TMEM117: variants seen among roughly 807,000 people sequenced by gnomAD.
TMEM117 encodes the protein transmembrane protein 117.
Under a neutral mutation model 52.4 loss-of-function variants are expected in TMEM117, and 27 were observed. The observed-to-expected ratio is 0.51, with a 90% CI of 0.38 to 0.71. TMEM117 has a LOEUF of 0.71. TMEM117 is among the 30% of genes least tolerant of loss of function. The probability of loss-of-function intolerance (pLI) is 0.00; values close to 1 mark genes in which losing one functional copy is unlikely to be tolerated. For missense variants in TMEM117, 556 were observed against 630.5 expected, an observed-to-expected ratio of 0.88 and a Z score of 1.26; for synonymous variants, 215 against 206.3, an observed-to-expected ratio of 1.04 and a Z score of -0.36.
At chr12:43,838,565 AGGCTG>A (rs1565712962) in intron 1 of TMEM117, among the ~76,000 whole-genome samples, 1 of 119,626 alleles carries the variant, frequency 8.4e-6, no homozygotes, top group Non-Finnish European at 1.7e-5. Flanking sequence ...TCCCTCACCC[AGGCTG>A]GTCTGTTACG....
At chr12:43,893,694 A>C (rs1013116348) in intron 2 of TMEM117, among the ~76,000 whole-genome samples, 5 of 152,102 alleles carry the variant, frequency 3.3e-5, no homozygotes, top group African/African-American at 7.2e-5. Context: ...CCTATTCTCT[A>C]CTTTGAAATT....
chr12:43,980,824 G>A (rs956549105), intron 3 of TMEM117, among the ~76,000 whole-genome samples: 1 of 152,140 alleles, frequency 6.6e-6, no homozygotes, highest in South Asian at 2.1e-4. Context: ...AGCAGCCCCC[G>A]AAGCCGGCGA....
chr12:44,310,328 A>G (rs559629297), intron 6 of TMEM117, among the ~76,000 whole-genome samples: 56 of 152,334 alleles, frequency 3.7e-4, no homozygotes, highest in African/African-American at 1.3e-3. Context: ...AGTGATTCTC[A>G]CTGTTATCTG....
chr12:44,374,194 G>T (rs553324484), intron 6 of TMEM117, among the ~76,000 whole-genome samples: 1 of 152,238 alleles, frequency 6.6e-6, no homozygotes, highest in Admixed American at 6.5e-5. Flanking sequence ...ACTCACTCGA[G>T]AATGATGAGT....
At chr12:43,947,206 C>T (rs1348916487) in intron 3 of TMEM117, among the ~76,000 whole-genome samples, 3 of 151,980 alleles carry the variant, frequency 2.0e-5, no homozygotes, top group South Asian at 2.1e-4. Flanking sequence ...GGTGATGGCA[C>T]GCCTTGTAGT....
At chr12:44,259,567 C>T (rs1014797476) in intron 5 of TMEM117, among the ~76,000 whole-genome samples, 5 of 151,928 alleles carry the variant, frequency 3.3e-5, no homozygotes, top group African/African-American at 4.8e-5. Flanking sequence ...CGATAATTGT[C>T]GGTAAAAGTT....
chr12:44,021,643 A>G (rs1946457446), intron 3 of TMEM117, among the ~76,000 whole-genome samples: 1 of 152,242 alleles, frequency 6.6e-6, no homozygotes, highest in South Asian at 2.1e-4. Flanking sequence ...TGCACCCAGC[A>G]TCTGCTAACC....
intron 3 of TMEM117, among the ~76,000 whole-genome samples, chr12:43,982,789 G>A (rs902702302): frequency 9.2e-5 from 14 of 152,094 alleles, no homozygotes; most frequent in East Asian, 5.8e-4. Flanking sequence ...AACACAGAGC[G>A]TATTCACATA....
chr12:44,014,995 T>C (rs2137818145), intron 3 of TMEM117, among the ~76,000 whole-genome samples: 1 of 152,286 alleles, frequency 6.6e-6, no homozygotes, highest in East Asian at 1.9e-4. Flanking sequence ...ATTTTATTTG[T>C]TGAGAGGCAC....
chr12:44,023,788 G>C (rs916370845), intron 3 of TMEM117, among the ~76,000 whole-genome samples: 2 of 128,146 alleles, frequency 1.6e-5, no homozygotes, highest in African/African-American at 5.8e-5. Flanking sequence ...ACAGGAAGGG[G>C]AACATCACAC....
intron 3 of TMEM117, among the ~76,000 whole-genome samples, chr12:44,032,437 A>G (rs1946647854): frequency 6.6e-6 from 1 of 152,232 alleles, no homozygotes; most frequent in East Asian, 1.9e-4. Flanking sequence ...CAGCAGCTCA[A>G]AAGAAACAAG....
intron 2 of TMEM117, among the ~76,000 whole-genome samples, chr12:43,943,176 C>CAAA (rs10667663): frequency 0.61 from 43,724 of 72,182 alleles, 15,803 homozygotes; most frequent in Non-Finnish European, 0.75. Context: ...GACTCTGTCT[C>CAAA]AAAAAAAAAA....
chr12:44,303,431 TA>T lies in TMEM117; in HGVS notation c.768+3693del, dbSNP rs377116790. Among the ~76,000 whole-genome samples, 39 of 152,318 alleles carry T rather than the reference TA, an allele frequency of 2.6e-4. No individual in the cohort carries two copies. The South Asian group carries it at 6.0e-3, about 23-fold the overall frequency. The stretch of plus-strand genomic sequence containing the variant: ...TTCTTTTTATTATTTTTAATAAAAT[TA>T]GCAGGCCAGTTCTGAATACTTTTAG... On this transcript the variant is annotated intron_variant, in intron 6 of 7. Transcript: ENST00000266534.
At chr12:44,221,783 C>T (rs1399395390) in intron 5 of TMEM117, among the ~76,000 whole-genome samples, 1 of 151,936 alleles carries the variant, frequency 6.6e-6, no homozygotes, top group Non-Finnish European at 1.5e-5. Context: ...ACTGCAACCT[C>T]CATCTCCCAG....
intron 6 of TMEM117, among the ~76,000 whole-genome samples, chr12:44,344,617 G>A (rs1365247030): frequency 1.3e-5 from 2 of 152,012 alleles, no homozygotes; most frequent in Non-Finnish European, 2.9e-5. Flanking sequence ...TTGGGAATCT[G>A]GGTGGAGATA....
chr12:44,383,302 T>A (rs1416890944), intron 7 of TMEM117, among the ~76,000 whole-genome samples: 1 of 152,120 alleles, frequency 6.6e-6, no homozygotes, highest in Non-Finnish European at 1.5e-5. Flanking sequence ...GTCTTTTTCC[T>A]TAGTTGAAAA....
intron 6 of TMEM117, among the ~76,000 whole-genome samples, chr12:44,332,096 A>G (rs1302508487): frequency 6.6e-6 from 1 of 152,048 alleles, no homozygotes; most frequent in African/African-American, 2.4e-5. Flanking sequence ...TGTTACATGT[A>G]TGTAAACCAA....
At chr12:44,225,498 AT>A (rs1277124586) in intron 5 of TMEM117, among the ~76,000 whole-genome samples, 2 of 152,106 alleles carry the variant, frequency 1.3e-5, no homozygotes, top group South Asian at 2.1e-4. Context: ...AAATGAACGG[AT>A]TTTTTTCCTT....
chr12:43,928,439 G>A (rs925866883), intron 2 of TMEM117, among the ~76,000 whole-genome samples: 5 of 151,588 alleles, frequency 3.3e-5, no homozygotes, highest in African/African-American at 1.2e-4. Flanking sequence ...GTATATAGGA[G>A]GTATACTCTC....
Sources: allele counts gnomAD v4.1 joint callset (sites outside exome capture counted in the v4.1 genomes callset), GRCh38; gene constraint gnomAD v4.1.1; transcripts MANE v1.5; gene names NCBI Gene and HGNC (gene_info 2026-07-23, HGNC 2026-07-21).